DHX29: variants seen among roughly 807,000 people sequenced by gnomAD.
The protein encoded by DHX29 is ATP-dependent RNA helicase DHX29.
A neutral mutation model predicts 167.9 loss-of-function variants in DHX29; 79 were observed. The ratio of observed to expected loss-of-function variants is 0.47; its 90% CI spans 0.39 to 0.57. DHX29 has a LOEUF of 0.57. DHX29 is among the 20% of genes least tolerant of loss of function. The pLI, the probability that DHX29 is intolerant of heterozygous loss-of-function variation, is 0.00. For synonymous variants in DHX29, 530 were observed against 546.0 expected, an observed-to-expected ratio of 0.97 and a Z score of 0.41; for missense variants, 1,347 against 1,593.4, an observed-to-expected ratio of 0.85 and a Z score of 2.63.
At position 55,267,606 on chromosome 5, in the gene DHX29, A is replaced by C. The variant is rs1746641922; in HGVS notation, c.3431+80T>G. 3 of 1,279,436 alleles carry C rather than the reference A, an allele frequency of 2.3e-6. No individual in the cohort carries two copies. The East Asian group carries it at 7.6e-5, about 33-fold the overall frequency. 79.3% of individuals were successfully genotyped at this position (1,279,436 alleles called of 1,614,324 possible). ...ATTTAAACCTCAGAAGTACAATTTT[A>C]ATAAGTCAAAGGTAATATATTTTAA... is the stretch of plus-strand genomic sequence containing the variant. On this transcript the variant is annotated intron_variant, in intron 22 of 26. Coordinates refer to ENST00000251636, the MANE Select transcript of DHX29 (RefSeq NM_019030.4).
chr5:55,289,557 TA>T (rs1360118804), intron 7 of DHX29, 129 bp from the exon 8 acceptor site: 5 of 659,476 alleles, frequency 7.6e-6, no homozygotes, highest in Non-Finnish European at 8.9e-6. Flanking sequence ...TTAAAATGAT[TA>T]AAAAAAACTG....
In DHX29 at chr5:55,307,445, G is replaced by A; in HGVS notation, c.129C>T (p.Ser43=). 2 of 1,613,288 alleles carry A rather than the reference G, an allele frequency of 1.2e-6. No homozygotes were observed. The highest frequency in any genetic ancestry group is 1.7e-6 in the Non-Finnish European group (2 of 1,179,902). Residue 43 remains serine, a synonymous_variant, in exon 1 of 27, where the codon TCC becomes TCT. Transcript: ENST00000251636. ...AGEAQSKKPV[S]RPATAAAAAA... ...CGGCAGCGGCAGCGGTGGCCGGCCT[G>A]GACACTGGCTTCTTGCTTTGGGCCT...
intron 1 of DHX29, among the ~76,000 whole-genome samples, chr5:55,302,588 C>T (rs1748658298): frequency 7.5e-6 from 1 of 132,966 alleles, no homozygotes; most frequent in South Asian, 2.4e-4. Flanking sequence ...CAGAGTGACC[C>T]TATCAAAAAA....
rs145234384 is a variant in DHX29, at chr5:55,274,022, G to A, written c.2690+592C>T. On this transcript the variant is annotated intron_variant, in intron 16 of 26. Transcript: ENST00000251636. Reference sequence around the variant, plus strand: ...AGAATCACTTGAACCCGGAGGCAGAGGTTGCAGTAAGCTGAGATTGCGCTA... The same window carrying A: ...AGAATCACTTGAACCCGGAGGCAGAAGTTGCAGTAAGCTGAGATTGCGCTA... 2.2e-3 allele frequency among the ~76,000 whole-genome samples: 337 copies of A among 151,646 alleles called. 1 individual carries two copies. Among genetic ancestry groups the A allele is most frequent in the African/African-American group, 7.6e-3 (314 of 41,294 alleles).
At chr5:55,293,344 G>A (rs993396213) in intron 6 of DHX29, among the ~76,000 whole-genome samples, 12 of 152,174 alleles carry the variant, frequency 7.9e-5, no homozygotes, top group Non-Finnish European at 7.4e-5. Context: ...TTATGAGAAA[G>A]GACCAGTTTT....
chr5:55,285,758 A>G lies in DHX29; in HGVS notation c.1170T>C (p.Asn390=). The G allele has an allele frequency of 6.2e-7, 1 of 1,605,010 alleles. No homozygotes were observed. The change falls in exon 9 of 27, where the codon AAT becomes AAC. Residue 390 remains asparagine, a synonymous_variant. Coordinates refer to ENST00000251636, the MANE Select transcript of DHX29 (RefSeq NM_019030.4). ...AGGAAGGATTTGGACTCTTGGGAAGATTCTTCCTGACCCAATCAATCAGAA... is the reference window on the plus strand; with the variant it reads ...AGGAAGGATTTGGACTCTTGGGAAGGTTCTTCCTGACCCAATCAATCAGAA... The part of the protein sequence containing the change: ...KQFLIDWVRK[N]LPKSPNPSFE...
intron 1 of DHX29, among the ~76,000 whole-genome samples, chr5:55,306,152 C>A (rs996863923): frequency 6.6e-6 from 1 of 152,196 alleles, no homozygotes; most frequent in Non-Finnish European, 1.5e-5. Context: ...CTGTAGCTAA[C>A]ACTACAATAA....
rs919852082 is a variant in DHX29, at chr5:55,297,140, T to C, written c.375+145A>G. The C allele has an allele frequency of 2.0e-5, 12 of 589,418 alleles. No individual in the cohort carries two copies. In the African/African-American group the frequency reaches 2.1e-4, roughly 10 times the overall value. 36.5% of individuals were successfully genotyped at this position (589,418 alleles called of 1,614,324 possible). On this transcript the variant is annotated intron_variant, in intron 3 of 26. Coordinates refer to ENST00000251636, the MANE Select transcript of DHX29 (RefSeq NM_019030.4). ...ACTTGTACCTTCTTGATTTAAGGTG[T>C]GCACAATTCTTTCTCTATTCTTAGA...
intron 10 of DHX29, 35 bp downstream of exon 10, chr5:55,285,251 TGCCTTCC>T (rs1401650651): frequency 6.3e-7 from 1 of 1,591,876 alleles, no homozygotes; most frequent in Admixed American, 1.8e-5. Context: ...AATTAAATAC[TGCCTTCC>T]ACATACAGAT....
chr5:55,296,081 A>G, intron 4 of DHX29, 139 bp downstream of exon 4: 2 of 918,612 alleles, frequency 2.2e-6, no homozygotes, highest in Non-Finnish European at 1.5e-6. Context: ...ATATCCTGAA[A>G]AGAACAGAAG....
intron 4 of DHX29, 84 bp downstream of exon 4, chr5:55,296,136 T>G: frequency 2.9e-6 from 4 of 1,364,506 alleles, no homozygotes; most frequent in Non-Finnish European, 2.9e-6. Context: ...TGAAAAAATA[T>G]GAGTATGAGC....
intron 1 of DHX29, among the ~76,000 whole-genome samples, chr5:55,306,265 T>C (rs1748854273): frequency 6.6e-6 from 1 of 152,250 alleles, no homozygotes; most frequent in African/African-American, 2.4e-5. Context: ...CTTTATGTTC[T>C]GTGAATTCCT....
Position 55,307,685 on chromosome 5 carries a change from C to G in DHX29, c.-112G>C. ...GGGGCTGCCACCCTGCGCTTCGATC[C>G]GGGCTTCTCGGGCCGGGGCGACCGC... On this transcript the variant is annotated 5_prime_UTR_variant, in exon 1 of 27. Coordinates refer to ENST00000251636, the MANE Select transcript of DHX29 (RefSeq NM_019030.4). The G allele has an allele frequency of 7.3e-7, 1 of 1,374,658 alleles. No homozygotes were observed. Among genetic ancestry groups the G allele is most frequent in the Non-Finnish European group, 9.9e-7 (1 of 1,007,110 alleles). 85.2% of individuals were successfully genotyped at this position (1,374,658 alleles called of 1,614,324 possible).
At chr5:55,288,064 G>A (rs1451594688) in intron 8 of DHX29, among the ~76,000 whole-genome samples, 4 of 150,590 alleles carry the variant, frequency 2.7e-5, no homozygotes, top group African/African-American at 7.3e-5. Context: ...TCAACATGGC[G>A]AAACCCCATC....
intron 23 of DHX29, among the ~76,000 whole-genome samples, chr5:55,266,790 A>C (rs1352448908): frequency 6.6e-6 from 1 of 150,690 alleles, no homozygotes; most frequent in African/African-American, 2.4e-5. Flanking sequence ...TAATTTTTTT[A>C]TTTTTGGTAG....
At chr5:55,281,316 T>A in intron 12 of DHX29, 56 bp downstream of exon 12, 1 of 1,415,480 alleles carries the variant, frequency 7.1e-7, no homozygotes, top group Non-Finnish European at 9.3e-7. Context: ...AGGAGTAACA[T>A]CTTTTTAATA....
chr5:55,307,599 C>T lies in DHX29; in HGVS notation c.-26G>A. On this transcript the variant is annotated 5_prime_UTR_variant, in exon 1 of 27. Transcript: ENST00000251636. ...GTTGCAGCTGTGGCAGAAGATCCTTCGCGGCCCAGGCCCCGACGGTACCAC... is the reference window on the plus strand; with the variant it reads ...GTTGCAGCTGTGGCAGAAGATCCTTTGCGGCCCAGGCCCCGACGGTACCAC... The T allele has an allele frequency of 1.2e-6, 2 of 1,611,448 alleles. No homozygotes were observed. The highest frequency in any genetic ancestry group is 2.2e-5 in the South Asian group (2 of 90,948).
chr5:55,288,416 C>CTATA (rs1747857024), intron 8 of DHX29, among the ~76,000 whole-genome samples: 3 of 150,556 alleles, frequency 2.0e-5, no homozygotes, highest in Middle Eastern at 3.2e-3. Flanking sequence ...TACTATTAAA[C>CTATA]TATAGTACAT....
rs767855892 is a variant in DHX29, at chr5:55,270,689, T to C, written c.2882A>G (p.Gln961Arg). 8 of 1,612,612 alleles carry C rather than the reference T, an allele frequency of 5.0e-6. No individual in the cohort carries two copies. In the Admixed American group the frequency reaches 1.3e-4, roughly 27 times the overall value. Residue 961 changes from glutamine (Q) to arginine (R), a missense_variant, in exon 19 of 27, where the codon CAG becomes CGG. By Grantham distance (43) the Gln-to-Arg change is conservative. Around this residue, in one of 3 missense-constraint regions of DHX29, gnomAD observed 882 missense variants for 1,082.4 expected, o/e 0.81. Coordinates refer to ENST00000251636, the MANE Select transcript of DHX29 (RefSeq NM_019030.4). ...AAACGTCTCCACCAAAGAACTCATC[T>C]GACTGCTTTCATGGTACCTAAAGAA... ...TKENKYHESS[Q>R]MSSLVETFVS...
Sources: gnomAD v4.1 joint callset for allele counts (sites outside exome capture counted in the v4.1 genomes callset) on GRCh38, gnomAD v4.1.1 for gene constraint, gnomAD v4.1.1 regional missense constraint, MANE v1.5 for transcripts, NCBI Gene and HGNC (gene_info 2026-07-23, HGNC 2026-07-21) for gene names.